Variants in RGS6 observed in about 807,000 individuals in gnomAD.
RGS6 encodes the protein regulator of G-protein signaling 6.
In RGS6, 30 loss-of-function variants were observed where a neutral mutation model predicts 78.5. The observed-to-expected ratio is 0.38, with a 90% CI of 0.29 to 0.52. RGS6 has a LOEUF of 0.52. Ranked by LOEUF, RGS6 falls within the 20% of genes least tolerant of loss-of-function variation. RGS6 has a pLI of 0.85. For synonymous variants in RGS6, 206 were observed against 206.0 expected, an observed-to-expected ratio of 1.00 and a Z score of 0.00; for missense variants, 495 against 609.7, an observed-to-expected ratio of 0.81 and a Z score of 1.98.
chr14:72,170,901 T>G (rs752083260), intron 2 of RGS6, among the ~76,000 whole-genome samples: 12 of 152,188 alleles, frequency 7.9e-5, no homozygotes, highest in Non-Finnish European at 1.6e-4. Flanking sequence ...TGGGGGTGCA[T>G]TTGTATGTCT....
At chr14:72,019,655 G>A (rs992717975) in intron 2 of RGS6, among the ~76,000 whole-genome samples, 3 of 152,214 alleles carry the variant, frequency 2.0e-5, no homozygotes, top group African/African-American at 7.2e-5. Context: ...GAAGGCTATA[G>A]GGATGTGGAT....
At chr14:72,202,434 G>A (rs17109029) in intron 2 of RGS6, among the ~76,000 whole-genome samples, 2,785 of 152,134 alleles carry the variant, frequency 0.018, 88 homozygotes, top group African/African-American at 0.064. Flanking sequence ...TTCTGCAAGG[G>A]GGCATTTCTG....
chr14:72,030,626 AGGCC>A (rs2090704971), intron 2 of RGS6, among the ~76,000 whole-genome samples: 1 of 148,358 alleles, frequency 6.7e-6, no homozygotes, highest in African/African-American at 2.5e-5. Context: ...GCACCTGGAG[AGGCC>A]TTTCAGCCAT....
chr14:72,388,196 A>G (rs2088848915), intron 3 of RGS6, among the ~76,000 whole-genome samples: 1 of 152,132 alleles, frequency 6.6e-6, no homozygotes, highest in Non-Finnish European at 1.5e-5. Flanking sequence ...TTCTGCCAGG[A>G]GCAGGTATTT....
chr14:72,029,692 C>T (rs1023566512), intron 2 of RGS6, among the ~76,000 whole-genome samples: 1 of 152,134 alleles, frequency 6.6e-6, no homozygotes, highest in African/African-American at 2.4e-5. Flanking sequence ...AAGTGTTCCC[C>T]TACCTGCATG....
the RGS6 span, among the ~76,000 whole-genome samples, chr14:71,868,975 G>C: frequency 6.6e-6 from 1 of 152,154 alleles, no homozygotes; most frequent in South Asian, 2.1e-4. Context: ...GCCATATACA[G>C]CACCCCTCTG....
chr14:72,516,187 A>G (rs1157596342), intron 14 of RGS6, among the ~76,000 whole-genome samples: 1 of 152,236 alleles, frequency 6.6e-6, no homozygotes, highest in Non-Finnish European at 1.5e-5. Context: ...CTGGTCAGAC[A>G]TGGCCTTCCA....
chr14:72,495,946 C>A (rs1320189310), intron 13 of RGS6, among the ~76,000 whole-genome samples: 2 of 152,196 alleles, frequency 1.3e-5, no homozygotes, highest in African/African-American at 4.8e-5. Flanking sequence ...AACACACAGA[C>A]AAAGCTAGTG....
intron 2 of RGS6, among the ~76,000 whole-genome samples, chr14:72,001,822 TAAG>T (rs2153222131): frequency 6.6e-6 from 1 of 151,340 alleles, no homozygotes; most frequent in Non-Finnish European, 1.5e-5. Context: ...TATTTAGAGA[TAAG>T]AAGTGTTGTA....
chr14:71,889,862 C>G, the RGS6 span, among the ~76,000 whole-genome samples: 1 of 152,082 alleles, frequency 6.6e-6, no homozygotes, highest in African/African-American at 2.4e-5. Flanking sequence ...AGTGAGTTCT[C>G]CTAAGATCTA....
intron 2 of RGS6, among the ~76,000 whole-genome samples, chr14:72,101,760 C>T (rs914819999): frequency 6.6e-6 from 1 of 152,174 alleles, no homozygotes; most frequent in Non-Finnish European, 1.5e-5. Flanking sequence ...ATCTCTACCC[C>T]CAGTGTGATG....
chr14:72,326,192 T>C (rs923257770), intron 2 of RGS6, among the ~76,000 whole-genome samples: 6 of 152,234 alleles, frequency 3.9e-5, no homozygotes, highest in Non-Finnish European at 8.8e-5. Flanking sequence ...CACAAAGGTC[T>C]GGTCAATTTA....
intron 2 of RGS6, among the ~76,000 whole-genome samples, chr14:72,253,713 G>A (rs1228906824): frequency 2.0e-5 from 3 of 152,202 alleles, no homozygotes; most frequent in African/African-American, 7.2e-5. Flanking sequence ...ATTTAAAGAA[G>A]TGGTGTAAGT....
intron 17 of RGS6, chr14:72,541,553 A>G: frequency 1.3e-6 from 2 of 1,535,594 alleles, no homozygotes; most frequent in South Asian, 1.2e-5. Flanking sequence ...GCACACCAAG[A>G]AGCTGCCACG....
chr14:72,413,773 A>G (rs1350721392), intron 3 of RGS6, among the ~76,000 whole-genome samples: 2 of 152,166 alleles, frequency 1.3e-5, no homozygotes, highest in African/African-American at 2.4e-5. Context: ...GGTGGTGACA[A>G]AATCTCTCAG....
chr14:71,994,789 C>T (rs148619024), intron 2 of RGS6, among the ~76,000 whole-genome samples: 190 of 152,220 alleles, frequency 1.2e-3, no homozygotes, highest in African/African-American at 4.2e-3. Flanking sequence ...TTCCCCAGAG[C>T]CTTCAGAGGG....
chr14:72,324,259 A>C (rs1002298009), intron 2 of RGS6, among the ~76,000 whole-genome samples: 11 of 152,252 alleles, frequency 7.2e-5, no homozygotes, highest in African/African-American at 2.4e-4. Flanking sequence ...CAAAAATGTT[A>C]TTGAAACAAC....
Position 71,995,489 on chromosome 14 carries a change from C to T in RGS6, c.84+30614C>T, listed in dbSNP as rs146752398. ...AGATCATTCTCTGAGTCAAGCTGTC[C>T]GGTTTATGTCCTGCTGTGTCGCTTA... On this transcript the variant is annotated intron_variant, in intron 2 of 17. Coordinates refer to ENST00000553525, the MANE Select transcript of RGS6 (RefSeq NM_001204424.2). 4.0e-4 allele frequency among the ~76,000 whole-genome samples: 61 copies of T among 152,288 alleles called. 1 individual carries two copies. Among genetic ancestry groups the T allele is most frequent in the Non-Finnish European group, 7.6e-4 (52 of 68,032 alleles).
At chr14:72,466,454 CTG>C (rs2153275963) in intron 7 of RGS6, among the ~76,000 whole-genome samples, 1 of 152,348 alleles carries the variant, frequency 6.6e-6, no homozygotes, top group East Asian at 1.9e-4. Context: ...CAAGCTTAAT[CTG>C]TGATAACCAA....
Sources: gnomAD v4.1 joint callset for allele counts (sites outside exome capture counted in the v4.1 genomes callset) on GRCh38, gnomAD v4.1.1 for gene constraint, MANE v1.5 for transcripts, NCBI Gene and HGNC (gene_info 2026-07-23, HGNC 2026-07-21) for gene names.